DYSF: variants seen among roughly 807,000 people sequenced by gnomAD.
The protein encoded by DYSF is dysferlin.
DYSF carries 212 observed loss-of-function variants against 274.9 expected under a neutral mutation model. The ratio of observed to expected loss-of-function variants is 0.77; its 90% CI spans 0.69 to 0.86. DYSF has a LOEUF of 0.86. DYSF is among the 40% of genes least tolerant of loss of function. DYSF has a pLI of 0.00. For synonymous variants in DYSF, 1,091 were observed against 1,078.7 expected (o/e 1.01, Z -0.22); for missense variants, 2,666 against 2,783.2 (o/e 0.96, Z 0.95).
rs1573009267 is a variant in DYSF at position 71,658,901 on chromosome 2, C to T, written c.4779C>T (p.Leu1593=). 2 of 1,614,208 alleles carry T rather than the reference C, an allele frequency of 1.2e-6. No homozygotes were observed. The highest frequency in any genetic ancestry group is 4.5e-5 in the East Asian group (2 of 44,886). ...AGGGCCTCTTCAAAATTTATCCCCT[C>T]CCAGAAGACCCAGCCATCCCCATGC... ...EFKGLFKIYP[L]PEDPAIPMPP... Residue 1593 remains leucine (L), a synonymous_variant, in exon 44 of 56, where the codon CTC becomes CTT. Transcript: ENST00000410020.
chr2:71,567,468 TGAAAC>T (rs1246021764), intron 24 of DYSF, among the ~76,000 whole-genome samples: 2 of 152,188 alleles, frequency 1.3e-5, no homozygotes, highest in Non-Finnish European at 2.9e-5. Flanking sequence ...TAAAAGTAAA[TGAAAC>T]GAAAACTTTA....
intron 44 of DYSF, among the ~76,000 whole-genome samples, chr2:71,660,294 G>A (rs983101730): frequency 6.6e-5 from 10 of 152,216 alleles, no homozygotes; most frequent in Non-Finnish European, 2.9e-5. Flanking sequence ...ATAAGGGCCT[G>A]GCCTCTCCCA....
At chr2:71,618,618 AGGT>A (rs796102427) in intron 40 of DYSF, among the ~76,000 whole-genome samples, 7 of 45,278 alleles carry the variant, frequency 1.5e-4, no homozygotes, top group South Asian at 8.2e-4. Context: ...GGTGTGGTAG[AGGT>A]GGTGTGTGTG....
chr2:71,636,958 A>G (rs561771390), intron 41 of DYSF, among the ~76,000 whole-genome samples: 1 of 152,316 alleles, frequency 6.6e-6, no homozygotes, highest in Non-Finnish European at 1.5e-5. Flanking sequence ...ACTTCTGCCA[A>G]ATACTGCTCC....
rs140058659 is a variant in DYSF at position 71,589,666 on chromosome 2, C to T, written c.3476C>T (p.Thr1159Met). 4.2e-5 allele frequency: 68 copies of T among 1,613,994 alleles called. No individual in the cohort carries two copies. The highest frequency in any genetic ancestry group is 1.1e-4 in the African/African-American group (8 of 74,924). ...STLSFGVNRP[T>M]ISCIFDYGNR... ...TTGAGCTTCGGTGTGAACAGACCCA[C>T]GATTTCCTGCATATTCGACTGTAAG... Residue 1159 changes from threonine to methionine, a missense_variant, in exon 31 of 56, where the codon ACG becomes ATG. By Grantham distance (81) the Thr-to-Met change is moderately conservative. This residue lies in a region of DYSF where 1,460 missense variants were observed against 1,502.1 expected (regional missense o/e 0.97). Transcript: ENST00000410020.
intron 3 of DYSF, among the ~76,000 whole-genome samples, chr2:71,486,574 T>G (rs1483258275): frequency 6.6e-6 from 1 of 152,128 alleles, no homozygotes; most frequent in Non-Finnish European, 1.5e-5. Flanking sequence ...ACCAGAGTGG[T>G]CTGCTGGCCC....
upstream of DYSF, among the ~76,000 whole-genome samples, chr2:71,466,403 G>A (rs1199859512): frequency 6.6e-6 from 1 of 152,182 alleles, no homozygotes; most frequent in Non-Finnish European, 1.5e-5. Flanking sequence ...TGCGCACCGG[G>A]CCCGGGATCC....
chr2:71,667,630 TCCTTGAC>T, intron 48 of DYSF, 115 bp downstream of exon 48: 1 of 1,470,536 alleles, frequency 6.8e-7, no homozygotes, highest in South Asian at 1.2e-5. Context: ...GGTCAATCCT[TCCTTGAC>T]CCATTTCTTC....
chr2:71,500,782 C>T (rs114131778), intron 3 of DYSF, among the ~76,000 whole-genome samples: 1,904 of 152,066 alleles, frequency 0.013, 18 homozygotes, highest in African/African-American at 0.023. Flanking sequence ...CCTCCTTGGG[C>T]CCTGCCTCCC....
chr2:71,667,352 T>C (rs370865917), intron 47 of DYSF, 24 bp from the exon 48 acceptor site: 5 of 1,613,990 alleles, frequency 3.1e-6, no homozygotes, highest in Non-Finnish European at 4.2e-6. Flanking sequence ...CTCCTGCAAC[T>C]TTTTTGTCTT....
At chr2:71,484,793 G>A (rs12151643) in intron 3 of DYSF, among the ~76,000 whole-genome samples, 65,380 of 152,076 alleles carry the variant, frequency 0.43, 15,093 homozygotes, top group East Asian at 0.86. Flanking sequence ...CATATTTTTG[G>A]CCAATTCAAG....
In DYSF at chr2:71,466,756, C is replaced by T. The variant is rs558546499; in HGVS notation, c.-87C>T. On this transcript the variant is annotated 5_prime_UTR_variant, in exon 1 of 56. Coordinates refer to ENST00000410020, the MANE Select transcript of DYSF (RefSeq NM_001130987.2). ...CTCTCTTGGCGCGGCTGCCTGGGAGCCGGGCGCTTGCTGGGTGGGTGCTCG... is the reference window on the plus strand; with the variant it reads ...CTCTCTTGGCGCGGCTGCCTGGGAGTCGGGCGCTTGCTGGGTGGGTGCTCG... The T allele has an allele frequency of 1.2e-4, 168 of 1,412,442 alleles. 3 individuals carry two copies. The South Asian group carries it at 2.4e-3, about 20-fold the overall frequency. The allele number at this position is 1,412,442 out of a possible 1,614,324, so 87.5% of individuals were successfully genotyped here. A position where few individuals can be genotyped will look rare whatever the true frequency, so the allele number is the denominator to read the frequency against.
At chr2:71,665,482 C>A (rs1023102861) in intron 47 of DYSF, among the ~76,000 whole-genome samples, 178 bp downstream of exon 47, 3 of 152,162 alleles carry the variant, frequency 2.0e-5, no homozygotes, top group Admixed American at 1.3e-4. Flanking sequence ...AGGATCAGTA[C>A]TGACCTGTGA....
chr2:71,664,370 C>A lies in DYSF; in HGVS notation c.5106C>A (p.Val1702=). Residue 1702 remains valine, a synonymous_variant, in exon 46 of 56, where the codon GTC becomes GTA. Coordinates refer to ENST00000410020, the MANE Select transcript of DYSF (RefSeq NM_001130987.2). ...LSKDEKIGET[V]VDLENRLLSK... is the part of the protein sequence containing the mutation. ...AGGACGAAAAGATCGGTGAGACGGT[C>A]GTCGACCTGGAGAACAGGCTGCTGT... 2.5e-6 allele frequency: 4 copies of A among 1,614,180 alleles called. No individual in the cohort carries two copies. Among genetic ancestry groups the A allele is most frequent in the Non-Finnish European group, 3.4e-6 (4 of 1,180,028 alleles).
chr2:71,654,902 G>A (rs778213175), intron 42 of DYSF, among the ~76,000 whole-genome samples: 1 of 152,006 alleles, frequency 6.6e-6, no homozygotes, highest in African/African-American at 2.4e-5. Flanking sequence ...AACATGGCCA[G>A]AACTCATCTC....
intron 13 of DYSF, among the ~76,000 whole-genome samples, chr2:71,527,432 A>G (rs571673497): frequency 3.3e-5 from 5 of 152,354 alleles, no homozygotes; most frequent in African/African-American, 1.2e-4. Context: ...AGTAATGGGT[A>G]TTAATTCAGT....
chr2:71,537,937 T>C (rs911790857), intron 16 of DYSF, among the ~76,000 whole-genome samples: 1 of 152,190 alleles, frequency 6.6e-6, no homozygotes, highest in African/African-American at 2.4e-5. Flanking sequence ...TTTCTCAGTG[T>C]CTGCATCATT....
At chr2:71,680,270 T>G (rs1017349599) in intron 53 of DYSF, among the ~76,000 whole-genome samples, 2 of 152,324 alleles carry the variant, frequency 1.3e-5, no homozygotes, top group African/African-American at 4.8e-5. Flanking sequence ...GTGTTTTTTT[T>G]GTCTGTTAAA....
At chr2:71,528,176 G>A (rs2088187379) in intron 13 of DYSF, 122 bp from the exon 14 acceptor site, 1 of 869,308 alleles carries the variant, frequency 1.2e-6, no homozygotes, top group Non-Finnish European at 1.9e-6. Context: ...GAGTCCCTGT[G>A]TGAAGGGGCC....
Sources: gnomAD v4.1 joint callset for allele counts (sites outside exome capture counted in the v4.1 genomes callset) on GRCh38, gnomAD v4.1.1 for gene constraint, gnomAD v4.1.1 regional missense constraint, MANE v1.5 for transcripts, NCBI Gene and HGNC (gene_info 2026-07-23, HGNC 2026-07-21) for gene names.